The following CCDC117 variants were observed in gnomAD, a reference collection of about 807,000 sequenced individuals.
CCDC117 encodes the protein coiled-coil domain containing 117.
Under a neutral mutation model 23.5 loss-of-function variants are expected in CCDC117, and 1 was observed. The ratio of observed to expected loss-of-function variants is 0.04; its 90% CI spans 0.02 to 0.20. CCDC117 has a LOEUF of 0.20. CCDC117 is among the 10% of genes least tolerant of loss of function. The pLI is 1.00. For synonymous variants in CCDC117, 132 were observed against 124.8 expected, an observed-to-expected ratio of 1.06 and a Z score of -0.39; for missense variants, 383 against 348.2, an observed-to-expected ratio of 1.10 and a Z score of -0.80.
intron 4 of CCDC117, among the ~76,000 whole-genome samples, chr22:28,785,091 G>A (rs980602997): frequency 6.6e-6 from 1 of 151,984 alleles, no homozygotes; most frequent in Non-Finnish European, 1.5e-5. Flanking sequence ...ATTATTTTAT[G>A]TTTTATTTTT....
rs2031513529 is a variant in CCDC117, at chr22:28,786,430, G to A, written c.*104G>A. The A allele has an allele frequency of 2.8e-6, 2 of 726,274 alleles. No individual in the cohort carries two copies. Among genetic ancestry groups the A allele is most frequent in the African/African-American group, 1.8e-5 (1 of 56,378 alleles). The allele number at this position is 726,274 out of a possible 1,614,324, so 45.0% of individuals were successfully genotyped here. On this transcript the variant is annotated 3_prime_UTR_variant, in exon 5 of 5. Transcript: ENST00000249064. ...GACTTGAAAGTTTTATGAGACGGGT[G>A]TAATAATATCTCCACCTGTGATTTG...
At position 28,776,587 on chromosome 22, in the gene CCDC117, A is replaced by ATT. The variant is rs113520265; in HGVS notation, c.239+2822_239+2823dup. Among the ~76,000 whole-genome samples, 13 of 144,626 alleles carry ATT rather than the reference A, an allele frequency of 9.0e-5. No individual in the cohort carries two copies. In the East Asian group the frequency reaches 1.8e-3, roughly 20 times the overall value. The allele number at this position is 144,626 out of a possible 152,430, so 94.9% of individuals were successfully genotyped here. A position where few individuals can be genotyped will look rare whatever the true frequency, so the allele number is the denominator to read the frequency against. On this transcript the variant is annotated intron_variant, in intron 2 of 4. Transcript: ENST00000249064. ...AGGCGCGTGCCACCATGCCCAGCTA[A>ATT]TTTTTTTTTTTTTTGAGACGGAGTT...
At position 28,772,815 on chromosome 22, in the gene CCDC117, G is replaced by GCGTCCCC; in HGVS notation, c.-35_-34insCGTCCCC. 1 of 1,219,906 alleles carries GCGTCCCC rather than the reference G, an allele frequency of 8.2e-7. No individual in the cohort carries two copies. The allele number at this position is 1,219,906 out of a possible 1,614,324, so 75.6% of individuals were successfully genotyped here. ...GCCGGGCCTGGGGACGCGGGCGGCCGAGGCCGCCGTCGCAGCCTCCTCGTC... is the reference window on the plus strand; with the variant it reads ...GCCGGGCCTGGGGACGCGGGCGGCCGCGTCCCCAGGCCGCCGTCGCAGCCTCCTCGTC... On this transcript the variant is annotated 5_prime_UTR_variant, in exon 1 of 5. Transcript: ENST00000249064.
chr22:28,778,417 G>A (rs1442445637), intron 2 of CCDC117, among the ~76,000 whole-genome samples: 1 of 152,038 alleles, frequency 6.6e-6, no homozygotes, highest in African/African-American at 2.4e-5. Context: ...AGACCAGCCT[G>A]GCCAACATGG....
chr22:28,781,643 A>G (rs187005157), intron 3 of CCDC117, among the ~76,000 whole-genome samples: 1,201 of 52,678 alleles, frequency 0.023, 414 homozygotes, highest in African/African-American at 0.2. Flanking sequence ...GAGCCACCGC[A>G]CCCGGCCTGT....
At chr22:28,781,948 C>T (rs1013941234) in intron 3 of CCDC117, among the ~76,000 whole-genome samples, 7 of 147,868 alleles carry the variant, frequency 4.7e-5, no homozygotes, top group Non-Finnish European at 1.0e-4. Flanking sequence ...CAGCCCCCCC[C>T]CTTTTTTTTT....
chr22:28,783,686 G>C, intron 4 of CCDC117, 41 bp downstream of exon 4: 1 of 1,592,738 alleles, frequency 6.3e-7, no homozygotes, highest in Non-Finnish European at 8.6e-7. Flanking sequence ...TATGATCTTG[G>C]AGGGAAGACC....
At chr22:28,774,789 TTC>T (rs1447479382) in intron 2 of CCDC117, among the ~76,000 whole-genome samples, 1 of 152,066 alleles carries the variant, frequency 6.6e-6, no homozygotes, top group Non-Finnish European at 1.5e-5. Context: ...TTCTTTTTCT[TTC>T]TTTTTTTCTT....
At chr22:28,778,091 C>CGCCTCGGCCTCCCAAAGTG (rs974302893) in intron 2 of CCDC117, among the ~76,000 whole-genome samples, 36 of 152,136 alleles carry the variant, frequency 2.4e-4, no homozygotes, top group Middle Eastern at 3.4e-3. Context: ...GTGATCCGCC[C>CGCCTCGGCCTCCCAAAGTG]GCCTCGGCCT....
chr22:28,776,964 C>T (rs979372805), intron 2 of CCDC117, among the ~76,000 whole-genome samples: 3 of 151,830 alleles, frequency 2.0e-5, no homozygotes, highest in Non-Finnish European at 4.4e-5. Flanking sequence ...AAGTAATCTG[C>T]CCGCCTTGGC....
At chr22:28,773,570 C>G (rs2031063825) in intron 1 of CCDC117, among the ~76,000 whole-genome samples, 155 bp from the exon 2 acceptor site, 1 of 152,202 alleles carries the variant, frequency 6.6e-6, no homozygotes, top group Non-Finnish European at 1.5e-5. Context: ...TCCACCGTTA[C>G]CCGACTGACC....
Position 28,781,335 on chromosome 22 carries a change from GTTTTTTTTTTTTTTTTTT to G in CCDC117, c.464+179_464+196del, listed in dbSNP as rs1179781447. ...GTATTCGTTTTTGTTTTTTTGTTTT[GTTTTTTTTTTTTTTTTTT>G]TTTTTTTTTTTTTTTGAGACGGAGT... On this transcript the variant is annotated intron_variant, in intron 3 of 4. Transcript: ENST00000249064. Among the ~76,000 whole-genome samples the G allele has an allele frequency of 2.7e-4, 4 of 14,822 alleles. 1 individual carries two copies. Among genetic ancestry groups the G allele is most frequent in the Non-Finnish European group, 3.0e-4 (3 of 10,110 alleles). The allele number at this position is 14,822 out of a possible 152,430, so 9.7% of individuals were successfully genotyped here. A position where few individuals can be genotyped will look rare whatever the true frequency, so the allele number is the denominator to read the frequency against.
Position 28,772,704 on chromosome 22 carries a change from G to T in CCDC117, c.-146G>T. 2 of 558,968 alleles carry T rather than the reference G, an allele frequency of 3.6e-6. No individual in the cohort carries two copies. Among genetic ancestry groups the T allele is most frequent in the Non-Finnish European group, 5.2e-6 (2 of 382,070 alleles). 34.6% of individuals were successfully genotyped at this position (558,968 alleles called of 1,614,324 possible). A position where few individuals can be genotyped will look rare whatever the true frequency, so the allele number is the denominator to read the frequency against. On this transcript the variant is annotated 5_prime_UTR_variant, in exon 1 of 5. Coordinates refer to ENST00000249064, the MANE Select transcript of CCDC117 (RefSeq NM_173510.4). ...ATCCCGGCATGCCCCCGAGCGGCCT[G>T]AGGTGGAGGGTTCTAGAAGGCGTGA...
chr22:28,777,355 T>C (rs986403337), intron 2 of CCDC117, among the ~76,000 whole-genome samples: 20 of 149,342 alleles, frequency 1.3e-4, no homozygotes, highest in Non-Finnish European at 7.4e-5. Context: ...TAAATTATAT[T>C]GTCATCATTG....
Position 28,772,845 on chromosome 22 carries a change from C to T in CCDC117, c.-5C>T. The T allele has an allele frequency of 8.2e-7, 1 of 1,226,888 alleles. No individual in the cohort carries two copies. The highest frequency in any genetic ancestry group is 3.9e-5 in the South Asian group (1 of 25,858). 76.0% of individuals were successfully genotyped at this position (1,226,888 alleles called of 1,614,324 possible). Reference sequence around the variant, plus strand: ...CGCCGTCGCAGCCTCCTCGTCTCGCCGGCTATGGCTGCGCTCGGCCGGCCC... The same window carrying T: ...CGCCGTCGCAGCCTCCTCGTCTCGCTGGCTATGGCTGCGCTCGGCCGGCCC... On this transcript the variant is annotated 5_prime_UTR_variant, in exon 1 of 5. Coordinates refer to ENST00000249064, the MANE Select transcript of CCDC117 (RefSeq NM_173510.4).
At chr22:28,777,008 C>T (rs993222438) in intron 2 of CCDC117, among the ~76,000 whole-genome samples, 8 of 150,588 alleles carry the variant, frequency 5.3e-5, no homozygotes, top group African/African-American at 2.0e-4. Context: ...GCGTGAGCTA[C>T]TGTGCCTGGC....
chr22:28,785,917 C>T (rs1235500447), intron 4 of CCDC117, among the ~76,000 whole-genome samples, 172 bp from the exon 5 acceptor site: 1 of 146,232 alleles, frequency 6.8e-6, no homozygotes, highest in African/African-American at 2.5e-5. Flanking sequence ...AGCAAGACCC[C>T]ATCTCTTAAA....
At chr22:28,781,335 G>GTGTTTTT (rs2031316601) in intron 3 of CCDC117, among the ~76,000 whole-genome samples, 163 bp downstream of exon 3, 1 of 14,822 alleles carries the variant, frequency 6.7e-5, no homozygotes, top group East Asian at 3.0e-3. Context: ...TTTTTGTTTT[G>GTGTTTTT]TTTTTTTTTT....
intron 2 of CCDC117, 53 bp from the exon 3 acceptor site, chr22:28,780,895 C>T: frequency 1.5e-6 from 2 of 1,319,794 alleles, no homozygotes; most frequent in Non-Finnish European, 2.1e-6. Flanking sequence ...GAATGATAAA[C>T]ATTTCATTTA....
Sources: allele counts gnomAD v4.1 joint callset (sites outside exome capture counted in the v4.1 genomes callset), GRCh38; gene constraint gnomAD v4.1.1; transcripts MANE v1.5; gene names NCBI Gene and HGNC (gene_info 2026-07-23, HGNC 2026-07-21).